Variants in DHRS12 observed in about 807,000 individuals in gnomAD.
DHRS12 encodes dehydrogenase/reductase SDR family member 12.
DHRS12 carries 29 observed loss-of-function variants against 32.1 expected under a neutral mutation model. That is an observed-to-expected ratio of 0.90 (90% CI 0.67 to 1.23). The LOEUF (loss-of-function observed/expected upper bound fraction) is 1.23. DHRS12 is among the 50% of genes most tolerant of loss of function. DHRS12 has a pLI of 0.00. For missense variants in DHRS12, 330 were observed against 337.2 expected (o/e 0.98, Z 0.17); for synonymous variants, 150 against 135.9 (o/e 1.10, Z -0.72).
chr13:51,783,842 A>T (rs910928869), intron 4 of DHRS12, among the ~76,000 whole-genome samples: 2 of 152,158 alleles, frequency 1.3e-5, no homozygotes, highest in Non-Finnish European at 2.9e-5. Flanking sequence ...GTGCCTTTTT[A>T]TTGCTGAATT....
chr13:51,799,061 C>G (rs76247200), intron 2 of DHRS12, among the ~76,000 whole-genome samples: 2,004 of 152,332 alleles, frequency 0.013, 53 homozygotes, highest in African/African-American at 0.046. Flanking sequence ...ATGCACTCCT[C>G]TCTCCAGGTA....
the DHRS12 span, chr13:51,761,475 CTT>C: frequency 1.3e-5 from 2 of 152,230 alleles, no homozygotes. Context: ...TCACCAGTCT[CTT>C]GAGGATCACA....
At chr13:51,769,080 G>A (rs1280957957) in intron 8 of DHRS12, 76 bp downstream of exon 8, 8 of 1,543,374 alleles carry the variant, frequency 5.2e-6, no homozygotes, top group Non-Finnish European at 7.0e-6. Flanking sequence ...TTCACGGAGG[G>A]GAAGGTGCGC....
the DHRS12 span, chr13:51,755,411 C>T: frequency 6.2e-7 from 1 of 1,614,060 alleles, no homozygotes; most frequent in African/African-American, 1.3e-5. Context: ...AGCCTTTCTT[C>T]TGGAACTTCA....
At chr13:51,780,403 G>A (rs966934854) in intron 4 of DHRS12, among the ~76,000 whole-genome samples, 8 of 152,110 alleles carry the variant, frequency 5.3e-5, no homozygotes, top group African/African-American at 1.4e-4. Flanking sequence ...AGAATCCCAC[G>A]GGAGGGCAGG....
chr13:51,759,993 T>A, the DHRS12 span: 3 of 495,882 alleles, frequency 6.0e-6, no homozygotes, highest in Non-Finnish European at 1.1e-5. Flanking sequence ...GCTATTTTTT[T>A]AACAAATGGT....
intron 7 of DHRS12, among the ~76,000 whole-genome samples, chr13:51,770,266 CAT>C (rs2138889025): frequency 6.6e-6 from 1 of 152,328 alleles, no homozygotes; most frequent in African/African-American, 2.4e-5. Flanking sequence ...CGCGGTGACA[CAT>C]GTCCGCATGC....
At chr13:51,758,225 A>G in the DHRS12 span, 6 of 1,595,954 alleles carry the variant, frequency 3.8e-6, no homozygotes, top group Admixed American at 8.4e-5. Flanking sequence ...ATGACAGTAA[A>G]CATAACATTG....
intron 8 of DHRS12, chr13:51,768,835 C>T (rs1165128259): frequency 7.6e-7 from 1 of 1,316,144 alleles, no homozygotes; most frequent in Non-Finnish European, 9.7e-7. Context: ...CTTTGCAGTG[C>T]AGCTTTGAAT....
intron 4 of DHRS12, among the ~76,000 whole-genome samples, chr13:51,785,620 G>C (rs1006440777): frequency 4.6e-5 from 7 of 152,300 alleles, no homozygotes; most frequent in Admixed American, 3.9e-4. Context: ...AATATGCCTT[G>C]GTCCAAGGAG....
chr13:51,756,731 A>C, the DHRS12 span: 1 of 785,892 alleles, frequency 1.3e-6, no homozygotes, highest in Non-Finnish European at 1.5e-6. Flanking sequence ...CTCCCAGAAC[A>C]AACCCTTCTG....
chr13:51,802,963 T>C (rs1218342920), intron 1 of DHRS12, among the ~76,000 whole-genome samples: 1 of 152,234 alleles, frequency 6.6e-6, no homozygotes, highest in African/African-American at 2.4e-5. Flanking sequence ...TGACTTAAGC[T>C]TTCATGCTGT....
intron 1 of DHRS12, among the ~76,000 whole-genome samples, chr13:51,802,249 ATCT>A (rs1216625679): frequency 3.3e-5 from 5 of 151,204 alleles, no homozygotes; most frequent in African/African-American, 9.8e-5. Context: ...AAGGTAGGTG[ATCT>A]TCTTCAACAC....
intron 4 of DHRS12, among the ~76,000 whole-genome samples, chr13:51,783,011 G>A (rs1291392428): frequency 2.0e-5 from 3 of 152,322 alleles, no homozygotes; most frequent in Admixed American, 6.5e-5. Flanking sequence ...TGGAGCTGCC[G>A]AGAAGGAAGA....
intron 2 of DHRS12, among the ~76,000 whole-genome samples, chr13:51,795,519 C>G (rs1955475272): frequency 6.6e-6 from 1 of 152,196 alleles, no homozygotes; most frequent in Non-Finnish European, 1.5e-5. Flanking sequence ...TAACATCTAA[C>G]AGACACCTCT....
intron 8 of DHRS12, 187 bp downstream of exon 8, chr13:51,768,969 A>G (rs1953882187): frequency 7.1e-7 from 1 of 1,411,056 alleles, no homozygotes; most frequent in South Asian, 1.5e-5. Context: ...AGAAGCTACC[A>G]ACCTGGAGTG....
chr13:51,783,076 TTG>T (rs1322509359), intron 4 of DHRS12, among the ~76,000 whole-genome samples: 1 of 152,110 alleles, frequency 6.6e-6, no homozygotes, highest in African/African-American at 2.4e-5. Context: ...TGGGAAGCTT[TTG>T]TGTCTCATCA....
chr13:51,776,090 A>ATGGTTCTGGAGCC (rs1566281386), intron 5 of DHRS12: 4 of 86,124 alleles, frequency 4.6e-5, no homozygotes, highest in Non-Finnish European at 6.8e-5. Context: ...GTATTCTCCT[A>ATGGTTCTGGAGCC]CATGTATTCT....
At chr13:51,802,023 G>A (rs972672069) in intron 1 of DHRS12, among the ~76,000 whole-genome samples, 1 of 152,188 alleles carries the variant, frequency 6.6e-6, no homozygotes, top group Non-Finnish European at 1.5e-5. Flanking sequence ...TCTGTCCTCT[G>A]CCTTGGATCT....
Sources: gnomAD v4.1 joint callset for allele counts (sites outside exome capture counted in the v4.1 genomes callset) on GRCh38, gnomAD v4.1.1 for gene constraint, MANE v1.5 for transcripts, NCBI Gene and HGNC (gene_info 2026-07-23, HGNC 2026-07-21) for gene names.